The following TMEM178B variants were observed in gnomAD, a reference collection of about 807,000 sequenced individuals.
TMEM178B encodes transmembrane protein 178B.
In TMEM178B, 5 loss-of-function variants were observed where a neutral mutation model predicts 31.0. The ratio of observed to expected loss-of-function variants is 0.16; its 90% CI spans 0.08 to 0.34. The LOEUF is 0.34. Ranked by LOEUF, TMEM178B falls within the 10% of genes least tolerant of loss-of-function variation. TMEM178B has a pLI of 1.00. For missense variants in TMEM178B, 275 were observed against 400.3 expected, an observed-to-expected ratio of 0.69 and a Z score of 2.67; for synonymous variants, 164 against 164.0, an observed-to-expected ratio of 1.00 and a Z score of 0.00.
chr7:141,384,558 C>G (rs144807928), intron 2 of TMEM178B, among the ~76,000 whole-genome samples: 32 of 152,254 alleles, frequency 2.1e-4, no homozygotes, highest in African/African-American at 7.7e-4. Flanking sequence ...GAGCTCTGTT[C>G]TGTTCCATTG....
chr7:141,293,068 G>A (rs898796481), intron 2 of TMEM178B, among the ~76,000 whole-genome samples: 1 of 152,166 alleles, frequency 6.6e-6, no homozygotes, highest in African/African-American at 2.4e-5. Context: ...TAGGTCCACC[G>A]CAATCCCAGA....
the TMEM178B span, among the ~76,000 whole-genome samples, chr7:141,510,698 A>G: frequency 2.8e-5 from 4 of 144,568 alleles, no homozygotes; most frequent in East Asian, 7.8e-4. Context: ...AAAAAAAAAA[A>G]AAAAAAAAAA....
At chr7:141,177,654 A>G (rs1796455545) in intron 1 of TMEM178B, among the ~76,000 whole-genome samples, 1 of 152,168 alleles carries the variant, frequency 6.6e-6, no homozygotes, top group Non-Finnish European at 1.5e-5. Flanking sequence ...TATATTTAGG[A>G]TAGTTAGCTC....
chr7:141,145,742 A>G (rs1357001754), intron 1 of TMEM178B, among the ~76,000 whole-genome samples: 1 of 152,234 alleles, frequency 6.6e-6, no homozygotes, highest in East Asian at 1.9e-4. Context: ...ATGCTGATGC[A>G]GCTGTTGAGA....
chr7:141,087,612 C>G (rs1454783730), intron 1 of TMEM178B, among the ~76,000 whole-genome samples: 1 of 151,906 alleles, frequency 6.6e-6, no homozygotes, highest in Admixed American at 6.6e-5. Context: ...GATAATTCAG[C>G]GAGAACTAGT....
chr7:141,441,885 G>A (rs1197795642), intron 3 of TMEM178B, among the ~76,000 whole-genome samples: 1 of 152,094 alleles, frequency 6.6e-6, no homozygotes, highest in Non-Finnish European at 1.5e-5. Flanking sequence ...TTTAATGAAC[G>A]CTCAGCCCCG....
At position 141,477,506 on chromosome 7, in the gene TMEM178B, G is replaced by A. The variant is rs1245242259; in HGVS notation, c.*6720G>A. On this transcript the variant is annotated 3_prime_UTR_variant, in exon 4 of 4. Coordinates refer to ENST00000565468, the MANE Select transcript of TMEM178B (RefSeq NM_001195278.2). ...AAGGTTTTTCCCTGTAAAGTAGAATGCACTTCCCCCAAAATAAAAGTAAAT... is the reference window on the plus strand; with the variant it reads ...AAGGTTTTTCCCTGTAAAGTAGAATACACTTCCCCCAAAATAAAAGTAAAT... 1 of 152,138 alleles carries A rather than the reference G, an allele frequency of 6.6e-6. No individual in the cohort carries two copies. The highest frequency in any genetic ancestry group is 1.9e-4 in the East Asian group (1 of 5,182). The allele number at this position is 152,138 out of a possible 1,614,324, so 9.4% of individuals were successfully genotyped here. A position where few individuals can be genotyped will look rare whatever the true frequency, so the allele number is the denominator to read the frequency against.
chr7:141,288,615 C>T (rs535146088), intron 2 of TMEM178B, among the ~76,000 whole-genome samples: 3 of 152,280 alleles, frequency 2.0e-5, no homozygotes, highest in East Asian at 1.9e-4. Context: ...TTGACAGTCC[C>T]GCTGCCCTAT....
chr7:141,491,509 A>G, the TMEM178B span, among the ~76,000 whole-genome samples: 1 of 152,144 alleles, frequency 6.6e-6, no homozygotes, highest in South Asian at 2.1e-4. Flanking sequence ...AACACTCCCT[A>G]TGTTCACCCT....
At chr7:141,326,256 C>G (rs1403630405) in intron 2 of TMEM178B, among the ~76,000 whole-genome samples, 34 of 152,054 alleles carry the variant, frequency 2.2e-4, no homozygotes, top group Admixed American at 2.2e-3. Flanking sequence ...CTTGCTTTCT[C>G]ATTTTTCTGA....
chr7:141,508,805 T>C, the TMEM178B span, among the ~76,000 whole-genome samples: 1 of 152,190 alleles, frequency 6.6e-6, no homozygotes, highest in Non-Finnish European at 1.5e-5. Flanking sequence ...TACCTCCCCC[T>C]GGGTCCCTCC....
chr7:141,484,918 A>T (rs1006559386), downstream of TMEM178B, among the ~76,000 whole-genome samples: 3 of 152,156 alleles, frequency 2.0e-5, no homozygotes, highest in East Asian at 5.8e-4. This position sits in a 1 kb window ranked among gnomAD's most constrained non-coding sequence, Gnocchi z 4.8. Context: ...ATGAAAAAAA[A>T]AATCAGTCTG....
At chr7:141,245,746 G>A (rs1164084800) in intron 2 of TMEM178B, among the ~76,000 whole-genome samples, 1 of 152,212 alleles carries the variant, frequency 6.6e-6, no homozygotes, top group African/African-American at 2.4e-5. Flanking sequence ...AGCGGAAATA[G>A]AGGCAAGAGA....
chr7:141,469,950 T>C (rs532096340), intron 3 of TMEM178B, among the ~76,000 whole-genome samples: 1 of 152,330 alleles, frequency 6.6e-6, no homozygotes, highest in Admixed American at 6.5e-5. Context: ...TGCCTCCCAC[T>C]TTGTAAAGGA....
chr7:141,098,581 G>A (rs1250743867), intron 1 of TMEM178B, among the ~76,000 whole-genome samples: 1 of 152,146 alleles, frequency 6.6e-6, no homozygotes, highest in African/African-American at 2.4e-5. Flanking sequence ...GATTACTTAA[G>A]CTTTCTATGC....
chr7:141,080,096 G>A (rs1390740708), intron 1 of TMEM178B, among the ~76,000 whole-genome samples: 17 of 152,222 alleles, frequency 1.1e-4, no homozygotes, highest in Non-Finnish European at 4.4e-5. Flanking sequence ...AGTAATGAGA[G>A]TGGCTCACAC....
At chr7:141,435,691 A>G (rs577993857) in intron 2 of TMEM178B, among the ~76,000 whole-genome samples, 20 of 152,324 alleles carry the variant, frequency 1.3e-4, no homozygotes, top group Non-Finnish European at 2.1e-4. Context: ...ACAAGCTCCT[A>G]TTGTGATCAA....
intron 1 of TMEM178B, among the ~76,000 whole-genome samples, chr7:141,172,108 A>C (rs1348138028): frequency 4.6e-5 from 7 of 152,188 alleles, no homozygotes; most frequent in Non-Finnish European, 8.8e-5. Flanking sequence ...AGGCATATAG[A>C]GATTAAATAC....
intron 1 of TMEM178B, among the ~76,000 whole-genome samples, chr7:141,139,241 GT>G (rs1359061794): frequency 6.6e-6 from 1 of 152,198 alleles, no homozygotes; most frequent in Admixed American, 6.6e-5. Context: ...GCAAAGATGA[GT>G]TTGGTTTCAC....
Sources: gnomAD v4.1 joint callset for allele counts (sites outside exome capture counted in the v4.1 genomes callset) on GRCh38, gnomAD v4.1.1 for gene constraint, Gnocchi (gnomAD v3.1) non-coding constraint, MANE v1.5 for transcripts, NCBI Gene and HGNC (gene_info 2026-07-23, HGNC 2026-07-21) for gene names.